Variants in TMLHE observed in about 807,000 individuals in gnomAD.
TMLHE encodes trimethyllysine hydroxylase, epsilon.
Under a neutral mutation model 25.7 loss-of-function variants are expected in TMLHE, and 18 were observed. The ratio of observed to expected loss-of-function variants is 0.70; its 90% CI spans 0.48 to 1.04. The LOEUF (loss-of-function observed/expected upper bound fraction) is 1.04, where lower values mean the gene tolerates loss of function less well. Ranked by LOEUF, TMLHE falls within the 50% of genes least tolerant of loss-of-function variation. The probability of loss-of-function intolerance (pLI) is 0.00; values close to 1 mark genes in which losing one functional copy is unlikely to be tolerated. For missense variants in TMLHE, 236 were observed against 259.0 expected, an observed-to-expected ratio of 0.91 and a Z score of 0.61; for synonymous variants, 105 against 97.0, an observed-to-expected ratio of 1.08 and a Z score of -0.49.
chrX:155,508,698 C>G (rs1234820719), intron 5 of TMLHE, among the ~76,000 whole-genome samples: 1 of 110,578 alleles, frequency 9.0e-6, no homozygotes, highest in African/African-American at 3.3e-5. Flanking sequence ...AATGGTATGT[C>G]TCAGGGATCA....
In TMLHE at chrX:155,562,592, A is replaced by G; in HGVS notation, c.-1-17315T>C. Among the ~76,000 whole-genome samples the G allele has an allele frequency of 3.2e-5, 2 of 61,743 alleles. 1 individual carries two copies. Among genetic ancestry groups the G allele is most frequent in the East Asian group, 1.4e-3 (2 of 1,395 alleles). The allele number at this position is 61,743 out of a possible 115,157, so 53.6% of individuals were successfully genotyped here. On this transcript the variant is annotated intron_variant, in intron 1 of 7. Coordinates refer to ENST00000334398, the MANE Select transcript of TMLHE (RefSeq NM_018196.4). Reference sequence around the variant, plus strand: ...TTTGGTTTTTTCCTTTCTATCATATATTCAGGCTGCAAATTTGCCAAACTT... The same window carrying G: ...TTTGGTTTTTTCCTTTCTATCATATGTTCAGGCTGCAAATTTGCCAAACTT...
chrX:155,514,638 A>G (rs1303088434), intron 3 of TMLHE, among the ~76,000 whole-genome samples: 1 of 110,407 alleles, frequency 9.1e-6, no homozygotes, highest in Non-Finnish European at 1.9e-5. Context: ...TTCCATCTAT[A>G]TAGGAACTCA....
intron 1 of TMLHE, among the ~76,000 whole-genome samples, chrX:155,548,230 C>G (rs1222439682): frequency 9.0e-6 from 1 of 111,494 alleles, no homozygotes; most frequent in African/African-American, 3.3e-5. Context: ...GCAAGCTAAG[C>G]AAAAATGGAC....
At chrX:155,591,217 G>T (rs1471269152) in intron 1 of TMLHE, among the ~76,000 whole-genome samples, 1 of 111,404 alleles carries the variant, frequency 9.0e-6, no homozygotes, top group Non-Finnish European at 1.9e-5. Context: ...ATTAAAGAAA[G>T]AAAGAAATAA....
intron 1 of TMLHE, among the ~76,000 whole-genome samples, chrX:155,573,248 G>A (rs1413071200): frequency 1.7e-5 from 1 of 58,126 alleles, no homozygotes; most frequent in African/African-American, 4.1e-5. Context: ...ACCATCACTA[G>A]CCATCAGAGA....
At chrX:155,596,530 A>G (rs1275832478) in intron 1 of TMLHE, among the ~76,000 whole-genome samples, 1 of 111,696 alleles carries the variant, frequency 9.0e-6, no homozygotes, top group East Asian at 2.8e-4. Flanking sequence ...GAGAACCCCA[A>G]TAAAGAGAAC....
chrX:155,563,275 G>A lies in TMLHE; in HGVS notation c.-1-17998C>T, dbSNP rs2067502703. ...ACTTAAAATTATGGCAGAAGGTAAAGGGGAAGCAATGCACACCTTACATGG... is the reference window on the plus strand; with the variant it reads ...ACTTAAAATTATGGCAGAAGGTAAAAGGGAAGCAATGCACACCTTACATGG... On this transcript the variant is annotated intron_variant, in intron 1 of 7. Transcript: ENST00000334398. Among the ~76,000 whole-genome samples the A allele has an allele frequency of 3.2e-5, 2 of 62,686 alleles. 1 individual carries two copies. Among genetic ancestry groups the A allele is most frequent in the Non-Finnish European group, 9.0e-5 (2 of 22,299 alleles). The allele number at this position is 62,686 out of a possible 115,157, so 54.4% of individuals were successfully genotyped here.
chrX:155,533,388 C>CAG, intron 2 of TMLHE, among the ~76,000 whole-genome samples: 2 of 110,839 alleles, frequency 1.8e-5, no homozygotes, highest in East Asian at 5.7e-4. Context: ...CGCACACACA[C>CAG]ACACACACAC....
chrX:155,548,640 C>G (rs1276978689), intron 1 of TMLHE, among the ~76,000 whole-genome samples: 1 of 108,205 alleles, frequency 9.2e-6, no homozygotes, highest in Admixed American at 9.8e-5. Flanking sequence ...GAGGCTGAGG[C>G]AGGAGAATCG....
intron 1 of TMLHE, among the ~76,000 whole-genome samples, chrX:155,548,494 G>A (rs1013565367): frequency 1.8e-5 from 2 of 108,710 alleles, no homozygotes; most frequent in African/African-American, 3.6e-5. Context: ...CCAGCACTTT[G>A]GGAGGTCAAG....
intron 3 of TMLHE, among the ~76,000 whole-genome samples, chrX:155,522,137 C>G (rs782322510): frequency 8.9e-6 from 1 of 112,510 alleles, no homozygotes; most frequent in East Asian, 2.8e-4. Context: ...TAATATTTTG[C>G]CTGTTTTTAA....
intron 1 of TMLHE, among the ~76,000 whole-genome samples, chrX:155,545,645 G>C (rs868984645): frequency 8.9e-6 from 1 of 111,853 alleles, no homozygotes; most frequent in Admixed American, 9.4e-5. Flanking sequence ...TAATGGAGCC[G>C]AAAAATCCTA....
At chrX:155,585,256 G>T (rs1404692288) in intron 1 of TMLHE, among the ~76,000 whole-genome samples, 1 of 111,168 alleles carries the variant, frequency 9.0e-6, no homozygotes, top group Non-Finnish European at 1.9e-5. Flanking sequence ...TATAGACAAA[G>T]GGGGATAATG....
chrX:155,553,374 ATAATTG>A (rs2067427531), intron 1 of TMLHE, among the ~76,000 whole-genome samples: 1 of 109,665 alleles, frequency 9.1e-6, no homozygotes, highest in African/African-American at 3.3e-5. Context: ...ACAAATCAGA[ATAATTG>A]TATCTTCTTG....
intron 1 of TMLHE, among the ~76,000 whole-genome samples, chrX:155,611,145 A>G (rs1424134166): frequency 1.8e-5 from 2 of 111,423 alleles, no homozygotes; most frequent in Admixed American, 1.9e-4. Flanking sequence ...ACTCACCTAC[A>G]TATCAGCCAC....
At chrX:155,540,534 C>G (rs2067304453) in intron 2 of TMLHE, among the ~76,000 whole-genome samples, 1 of 110,356 alleles carries the variant, frequency 9.1e-6, no homozygotes, top group African/African-American at 3.3e-5. Flanking sequence ...ACAAGAAATG[C>G]TAAAGGGATC....
In TMLHE at chrX:155,573,151, C is replaced by A. The variant is rs1350884563; in HGVS notation, c.-1-27874G>T. Among the ~76,000 whole-genome samples the A allele has an allele frequency of 1.0e-4, 6 of 57,397 alleles. 2 individuals carry two copies. The Admixed American group carries it at 1.2e-3, about 12-fold the overall frequency. 49.8% of individuals were successfully genotyped at this position (57,397 alleles called of 115,157 possible). A position where few individuals can be genotyped will look rare whatever the true frequency, so the allele number is the denominator to read the frequency against. ...AAATTTACAAGAAAAAAACAAACAA[C>A]CCCATCAAAAAGTGGGCGAAGGATA... is the stretch of plus-strand genomic sequence containing the variant. On this transcript the variant is annotated intron_variant, in intron 1 of 7. Transcript: ENST00000334398.
chrX:155,512,372 T>A (rs950445176), intron 4 of TMLHE, among the ~76,000 whole-genome samples: 2 of 92,825 alleles, frequency 2.2e-5, no homozygotes, highest in African/African-American at 8.2e-5. Flanking sequence ...CCTGTGTCCA[T>A]GTGTTCTCAT....
At chrX:155,605,895 A>C (rs1364361473) in intron 1 of TMLHE, among the ~76,000 whole-genome samples, 1 of 111,881 alleles carries the variant, frequency 8.9e-6, no homozygotes, top group Non-Finnish European at 1.9e-5. Flanking sequence ...ACTCAAAGTA[A>C]ATGGATGGAG....
Sources: allele counts gnomAD v4.1 joint callset (sites outside exome capture counted in the v4.1 genomes callset), GRCh38; gene constraint gnomAD v4.1.1; transcripts MANE v1.5; gene names NCBI Gene and HGNC (gene_info 2026-07-23, HGNC 2026-07-21).